RYR2: variants seen among roughly 807,000 people sequenced by gnomAD.
The protein encoded by RYR2 is cardiac muscle ryanodine receptor-calcium release channel.
In RYR2, 227 loss-of-function variants were observed where a neutral mutation model predicts 601.1. The ratio of observed to expected loss-of-function variants is 0.38; its 90% CI spans 0.34 to 0.42. The LOEUF (loss-of-function observed/expected upper bound fraction) is 0.42, where lower values mean the gene tolerates loss of function less well. Among genes scored for constraint, RYR2 ranks in the 10% least tolerant of loss-of-function variants. The pLI, the probability that RYR2 is intolerant of heterozygous loss-of-function variation, is 1.00. For synonymous variants in RYR2, 2,223 were observed against 2,175.1 expected, an observed-to-expected ratio of 1.02 and a Z score of -0.61; for missense variants, 4,646 against 6,156.5, an observed-to-expected ratio of 0.75 and a Z score of 8.21.
chr1:237,158,835 G>A (rs1394040303), intron 1 of RYR2, among the ~76,000 whole-genome samples: 2 of 152,204 alleles, frequency 1.3e-5, no homozygotes, highest in South Asian at 4.1e-4. Flanking sequence ...GCCTAAGACT[G>A]AGGCCCATAG....
chr1:237,722,711 G>A (rs1689849367), intron 73 of RYR2, among the ~76,000 whole-genome samples: 1 of 152,172 alleles, frequency 6.6e-6, no homozygotes, highest in Non-Finnish European at 1.5e-5. Context: ...GGGATTACAG[G>A]CGTGAGCCAC....
At chr1:237,798,009 A>G in intron 96 of RYR2, 28 bp from the exon 97 acceptor site, 1 of 1,593,942 alleles carries the variant, frequency 6.3e-7, no homozygotes, top group Non-Finnish European at 8.5e-7. Flanking sequence ...GGTTGAAGCC[A>G]ACAAAATGCT....
chr1:237,344,706 A>G (rs1030310131), intron 3 of RYR2, among the ~76,000 whole-genome samples: 1 of 152,108 alleles, frequency 6.6e-6, no homozygotes, highest in Non-Finnish European at 1.5e-5. Flanking sequence ...TATGTATTTT[A>G]TACATTTTAT....
chr1:237,541,775 G>T (rs1183161109), intron 25 of RYR2, among the ~76,000 whole-genome samples: 1 of 152,056 alleles, frequency 6.6e-6, no homozygotes, highest in African/African-American at 2.4e-5. Flanking sequence ...CAGGAGTGGG[G>T]GTCACAAGGT....
At chr1:237,584,479 T>C (rs1572973735) in intron 29 of RYR2, among the ~76,000 whole-genome samples, 1 of 152,260 alleles carries the variant, frequency 6.6e-6, no homozygotes, top group African/African-American at 2.4e-5. Context: ...GGGGTTATTT[T>C]TGATTTTGTT....
chr1:237,110,203 A>G (rs1669298396), intron 1 of RYR2, among the ~76,000 whole-genome samples: 1 of 152,034 alleles, frequency 6.6e-6, no homozygotes, highest in South Asian at 2.1e-4. Context: ...TAAAACGCAG[A>G]TTGCTGGGCT....
At chr1:237,319,697 G>T (rs879867639) in intron 2 of RYR2, among the ~76,000 whole-genome samples, 1 of 152,128 alleles carries the variant, frequency 6.6e-6, no homozygotes, top group Non-Finnish European at 1.5e-5. Context: ...TCCTCTACCA[G>T]CCAACCTGTC....
intron 1 of RYR2, among the ~76,000 whole-genome samples, chr1:237,251,449 G>C (rs1403908630): frequency 6.6e-6 from 1 of 152,102 alleles, no homozygotes; most frequent in African/African-American, 2.4e-5. Flanking sequence ...ATTCTACCTG[G>C]TTGACTATTT....
intron 1 of RYR2, among the ~76,000 whole-genome samples, chr1:237,182,400 G>A (rs939480253): frequency 3.3e-5 from 5 of 151,946 alleles, no homozygotes; most frequent in East Asian, 1.9e-4. Flanking sequence ...GATTACAGGC[G>A]TGAGCCACCG....
chr1:237,073,785 C>T (rs889823289), intron 1 of RYR2, among the ~76,000 whole-genome samples: 4 of 146,716 alleles, frequency 2.7e-5, no homozygotes, highest in South Asian at 4.4e-4. Flanking sequence ...GCATGAGAAT[C>T]GCTTAAACTT....
At chr1:237,165,482 G>A (rs1244498155) in intron 1 of RYR2, among the ~76,000 whole-genome samples, 5 of 152,090 alleles carry the variant, frequency 3.3e-5, no homozygotes, top group African/African-American at 4.8e-5. Context: ...TTGGGCCCTA[G>A]CTTTCCTTAG....
intron 2 of RYR2, among the ~76,000 whole-genome samples, chr1:237,303,448 C>T (rs1454658985): frequency 2.6e-5 from 4 of 151,468 alleles, no homozygotes; most frequent in South Asian, 2.1e-4. Flanking sequence ...TACGGGTGCA[C>T]GCCACCACTC....
At chr1:237,336,322 T>C (rs911658943) in intron 3 of RYR2, among the ~76,000 whole-genome samples, 1 of 152,204 alleles carries the variant, frequency 6.6e-6, no homozygotes, top group African/African-American at 2.4e-5. Flanking sequence ...AAAATAATAC[T>C]TGTCAGGAAG....
chr1:237,524,529 A>G (rs1350299793), intron 24 of RYR2, among the ~76,000 whole-genome samples: 1 of 152,224 alleles, frequency 6.6e-6, no homozygotes. Context: ...GCCTCTAAAA[A>G]GTACATTTTC....
intron 12 of RYR2, among the ~76,000 whole-genome samples, chr1:237,432,420 A>C (rs1005337113): frequency 3.9e-5 from 6 of 152,164 alleles, no homozygotes; most frequent in South Asian, 2.1e-4. Context: ...ACTGGGCATA[A>C]ATATATTCAG....
At position 237,193,265 on chromosome 1, in the gene RYR2, A is replaced by T. The variant is rs570091495; in HGVS notation, c.49-77232A>T. 1.3e-5 allele frequency among the ~76,000 whole-genome samples: 2 copies of T among 151,836 alleles called. 1 individual carries two copies. Among genetic ancestry groups the T allele is most frequent in the South Asian group, 4.2e-4 (2 of 4,782 alleles). ...TGGATCACGAGGTCAGGAGATCGAG[A>T]CTATCGTGGCTAACATGGTGAAACC... On this transcript the variant is annotated intron_variant, in intron 1 of 104. Transcript: ENST00000366574.
intron 3 of RYR2, among the ~76,000 whole-genome samples, chr1:237,348,821 A>G (rs919513695): frequency 1.3e-5 from 2 of 152,222 alleles, no homozygotes; most frequent in Non-Finnish European, 2.9e-5. Context: ...GGAATCTACA[A>G]TGAAAAAAAT....
At chr1:237,594,886 G>GTTTT (rs776702428) in intron 33 of RYR2, among the ~76,000 whole-genome samples, 5 of 60,416 alleles carry the variant, frequency 8.3e-5, no homozygotes, top group African/African-American at 4.8e-4. Flanking sequence ...ATATCACTGG[G>GTTTT]TTTTTTTTTT....
chr1:237,258,643 G>T (rs895134764), intron 1 of RYR2, among the ~76,000 whole-genome samples: 2 of 152,100 alleles, frequency 1.3e-5, no homozygotes, highest in Non-Finnish European at 2.9e-5. Flanking sequence ...TTTGAAGATG[G>T]CTCAAGTTTT....
Sources: allele counts gnomAD v4.1 joint callset (sites outside exome capture counted in the v4.1 genomes callset), GRCh38; gene constraint gnomAD v4.1.1; transcripts MANE v1.5; gene names NCBI Gene and HGNC (gene_info 2026-07-23, HGNC 2026-07-21).